PPP3CA: variants seen among roughly 807,000 people sequenced by gnomAD.
PPP3CA encodes the protein CAM-PRP catalytic subunit.
Under a neutral mutation model 66.5 loss-of-function variants are expected in PPP3CA, and 14 were observed. That is an observed-to-expected ratio of 0.21 (90% CI 0.14 to 0.33). The LOEUF is 0.33. Among genes scored for constraint, PPP3CA ranks in the 10% least tolerant of loss-of-function variants. PPP3CA has a pLI of 1.00. For missense variants in PPP3CA, 317 were observed against 639.5 expected, an observed-to-expected ratio of 0.50 and a Z score of 5.44; for synonymous variants, 232 against 226.2, an observed-to-expected ratio of 1.03 and a Z score of -0.23.
chr4:101,032,233 C>T (rs752518173), intron 12 of PPP3CA, 34 bp downstream of exon 12: 10 of 1,466,356 alleles, frequency 6.8e-6, no homozygotes, highest in Non-Finnish European at 9.2e-6. Context: ...ACTGCGATGC[C>T]CCAGCACACA....
intron 5 of PPP3CA, among the ~76,000 whole-genome samples, chr4:101,095,018 T>C (rs1050426880): frequency 1.3e-5 from 2 of 151,996 alleles, no homozygotes; most frequent in African/African-American, 4.8e-5. Context: ...TAAGTAATGG[T>C]TTTGTTGCAC....
chr4:101,121,669 G>A (rs1722034505), intron 2 of PPP3CA, among the ~76,000 whole-genome samples: 1 of 151,922 alleles, frequency 6.6e-6, no homozygotes, highest in Non-Finnish European at 1.5e-5. Flanking sequence ...AGGTGTAATG[G>A]AGAATTAAAA....
At chr4:101,323,186 C>T (rs185409486) in intron 1 of PPP3CA, among the ~76,000 whole-genome samples, 1 of 152,230 alleles carries the variant, frequency 6.6e-6, no homozygotes, top group Admixed American at 6.5e-5. Context: ...CTTGCTTGCC[C>T]TCTAACTTGC....
intron 1 of PPP3CA, among the ~76,000 whole-genome samples, chr4:101,227,215 A>G (rs945179966): frequency 6.6e-5 from 10 of 151,772 alleles, no homozygotes; most frequent in Non-Finnish European, 1.5e-5. Context: ...TTAAATTTCG[A>G]TTAGGAAAAT....
At chr4:101,037,241 G>A (rs552362335) in intron 11 of PPP3CA, among the ~76,000 whole-genome samples, 1 of 152,288 alleles carries the variant, frequency 6.6e-6, no homozygotes, top group South Asian at 2.1e-4. Context: ...ACACCTGACA[G>A]GACAATTGTT....
chr4:101,216,837 C>T (rs1299944172), intron 1 of PPP3CA, among the ~76,000 whole-genome samples: 1 of 152,112 alleles, frequency 6.6e-6, no homozygotes, highest in Non-Finnish European at 1.5e-5. Context: ...AGGCGTGAGC[C>T]ACCATACCTG....
chr4:101,053,630 A>T (rs532482034), intron 10 of PPP3CA, among the ~76,000 whole-genome samples: 93 of 152,160 alleles, frequency 6.1e-4, no homozygotes, highest in African/African-American at 2.2e-3. Flanking sequence ...CTGCTTGGGC[A>T]TTTCTAGAAT....
chr4:101,153,674 G>C (rs1235346093), intron 2 of PPP3CA, among the ~76,000 whole-genome samples: 2 of 152,172 alleles, frequency 1.3e-5, no homozygotes, highest in Admixed American at 6.5e-5. Context: ...TAGCACTCAA[G>C]TAGGTATTCT....
intron 1 of PPP3CA, among the ~76,000 whole-genome samples, chr4:101,308,601 A>G (rs1728621463): frequency 6.6e-6 from 1 of 152,048 alleles, no homozygotes; most frequent in Non-Finnish European, 1.5e-5. Flanking sequence ...ACCCACCACC[A>G]TACCCAGCTA....
chr4:101,109,445 T>C (rs6812688), intron 2 of PPP3CA, among the ~76,000 whole-genome samples: 14 of 151,774 alleles, frequency 9.2e-5, no homozygotes, highest in African/African-American at 3.4e-4. Flanking sequence ...CCATGAGATA[T>C]GTTTTCATTT....
chr4:101,220,299 G>GTT (rs33967695), intron 1 of PPP3CA, among the ~76,000 whole-genome samples: 116,936 of 147,494 alleles, frequency 0.79, 46,558 homozygotes, highest in African/African-American at 0.82. Flanking sequence ...TTGACAGCAC[G>GTT]TTTTTTTTTT....
intron 1 of PPP3CA, among the ~76,000 whole-genome samples, chr4:101,294,318 C>T (rs928271642): frequency 6.6e-6 from 1 of 152,186 alleles, no homozygotes; most frequent in African/African-American, 2.4e-5. Flanking sequence ...GGTATCTCAT[C>T]AAATAATTCT....
intron 1 of PPP3CA, 72 bp downstream of exon 1, chr4:101,346,667 G>A (rs1730011195): frequency 7.3e-7 from 1 of 1,362,172 alleles, no homozygotes; most frequent in Admixed American, 1.9e-5. Context: ...GGGGAGGAAA[G>A]GCGAGGCGAG....
At chr4:101,038,364 CT>C (rs769368076) in intron 11 of PPP3CA, among the ~76,000 whole-genome samples, 14 of 148,972 alleles carry the variant, frequency 9.4e-5, no homozygotes, top group Admixed American at 2.7e-4. Flanking sequence ...TTAGCACACA[CT>C]TTTTTTTTCT....
chr4:101,319,958 T>A (rs1728989571), intron 1 of PPP3CA, among the ~76,000 whole-genome samples: 1 of 152,162 alleles, frequency 6.6e-6, no homozygotes, highest in South Asian at 2.1e-4. Context: ...CTTTCTAGGA[T>A]AATTTTGAAG....
At chr4:101,296,438 A>G (rs1228188586) in intron 1 of PPP3CA, among the ~76,000 whole-genome samples, 1 of 152,134 alleles carries the variant, frequency 6.6e-6, no homozygotes, top group African/African-American at 2.4e-5. Context: ...GCTCCTTAAC[A>G]GATGCATGAG....
intron 3 of PPP3CA, among the ~76,000 whole-genome samples, chr4:101,107,647 G>A (rs190819144): frequency 3.9e-5 from 6 of 152,266 alleles, no homozygotes; most frequent in African/African-American, 7.2e-5. Flanking sequence ...CTGTGTCTGC[G>A]TGTAGTCAGT....
intron 1 of PPP3CA, among the ~76,000 whole-genome samples, chr4:101,287,831 A>G (rs1309946628): frequency 6.6e-6 from 1 of 151,910 alleles, no homozygotes; most frequent in Admixed American, 6.6e-5. Context: ...TTTGCCCAAG[A>G]CAAACTTTAA....
At chr4:101,158,793 T>C (rs1483077306) in intron 2 of PPP3CA, among the ~76,000 whole-genome samples, 1 of 152,228 alleles carries the variant, frequency 6.6e-6, no homozygotes, top group Admixed American at 6.5e-5. Context: ...AGCTTTGTTA[T>C]TCAAATATTT....
Sources: gnomAD v4.1 joint callset for allele counts (sites outside exome capture counted in the v4.1 genomes callset) on GRCh38, gnomAD v4.1.1 for gene constraint, MANE v1.5 for transcripts, NCBI Gene and HGNC (gene_info 2026-07-23, HGNC 2026-07-21) for gene names.